COP1: variants seen among roughly 807,000 people sequenced by gnomAD.
The protein encoded by COP1 is E3 ubiquitin-protein ligase COP1.
A neutral mutation model predicts 101.3 loss-of-function variants in COP1; 24 were observed. The observed-to-expected ratio is 0.24, with a 90% CI of 0.17 to 0.33. The LOEUF (loss-of-function observed/expected upper bound fraction) is 0.33. COP1 is among the 10% of genes least tolerant of loss of function. The pLI, the probability that COP1 is intolerant of heterozygous loss-of-function variation, is 1.00. For synonymous variants in COP1, 347 were observed against 341.9 expected (o/e 1.01, Z -0.17); for missense variants, 663 against 906.2 (o/e 0.73, Z 3.45).
At chr1:175,989,614 A>AAATAT in intron 15 of COP1, 135 bp from the exon 16 acceptor site, 1 of 566,392 alleles carries the variant, frequency 1.8e-6, no homozygotes, top group Non-Finnish European at 3.2e-6. Flanking sequence ...AAACAAAGGA[A>AAATAT]AAGGAATCCT....
At chr1:176,202,552 A>G (rs1700376031) in intron 1 of COP1, among the ~76,000 whole-genome samples, 1 of 151,700 alleles carries the variant, frequency 6.6e-6, no homozygotes. Context: ...ATATCCTGGG[A>G]TTACAGGTGG....
chr1:175,956,238 AAAAAT>A (rs1463758657), intron 18 of COP1, among the ~76,000 whole-genome samples: 1 of 152,122 alleles, frequency 6.6e-6, no homozygotes, highest in Non-Finnish European at 1.5e-5. Flanking sequence ...AAGTTAAAAA[AAAAAT>A]AGAGTAATTT....
At chr1:175,957,378 C>T (rs1376735394) in intron 18 of COP1, among the ~76,000 whole-genome samples, 2 of 152,204 alleles carry the variant, frequency 1.3e-5, no homozygotes, top group African/African-American at 4.8e-5. Flanking sequence ...ACACAAATCC[C>T]ATTGTGTTAC....
intron 1 of COP1, among the ~76,000 whole-genome samples, chr1:176,194,278 C>T (rs925105342): frequency 2.0e-5 from 3 of 152,060 alleles, no homozygotes; most frequent in Non-Finnish European, 4.4e-5. Context: ...GCAAACAAGA[C>T]AGTACACACA....
chr1:176,022,003 TCTC>T (rs1276639472), intron 15 of COP1, among the ~76,000 whole-genome samples: 1 of 152,222 alleles, frequency 6.6e-6, no homozygotes, highest in Admixed American at 6.5e-5. Context: ...ATCTATAAAA[TCTC>T]CTAAGATACT....
intron 5 of COP1, among the ~76,000 whole-genome samples, chr1:176,157,639 A>G (rs932222774): frequency 2.6e-5 from 4 of 152,226 alleles, no homozygotes; most frequent in Admixed American, 2.0e-4. Context: ...ACAAGCTTCA[A>G]GAGATTCAAA....
chr1:176,067,447 C>T (rs561939252), intron 11 of COP1, among the ~76,000 whole-genome samples: 1 of 152,286 alleles, frequency 6.6e-6, no homozygotes, highest in South Asian at 2.1e-4. Context: ...TGCAGAGGAA[C>T]ACATCGGTAC....
intron 14 of COP1, among the ~76,000 whole-genome samples, chr1:176,029,495 T>C (rs1009132527): frequency 1.3e-5 from 2 of 152,202 alleles, no homozygotes; most frequent in South Asian, 2.1e-4. Flanking sequence ...AGTATATAAG[T>C]TGTCATCCTG....
intron 15 of COP1, among the ~76,000 whole-genome samples, chr1:176,021,755 T>C (rs1666784744): frequency 6.6e-6 from 1 of 152,186 alleles, no homozygotes; most frequent in Admixed American, 6.5e-5. Context: ...GACAAATTCA[T>C]TATGGGAAGC....
At chr1:176,199,303 T>A (rs965763872) in intron 1 of COP1, among the ~76,000 whole-genome samples, 1 of 152,104 alleles carries the variant, frequency 6.6e-6, no homozygotes, top group Non-Finnish European at 1.5e-5. Flanking sequence ...GGCGACAGTA[T>A]GAGACTCCCA....
chr1:175,969,269 T>C (rs180781009), intron 18 of COP1, among the ~76,000 whole-genome samples: 48 of 152,294 alleles, frequency 3.2e-4, no homozygotes, highest in East Asian at 5.8e-4. Context: ...CAGTAGAGCA[T>C]TGTTAGGGAC....
intron 15 of COP1, among the ~76,000 whole-genome samples, chr1:176,020,494 C>A (rs1316359589): frequency 6.6e-6 from 1 of 151,996 alleles, no homozygotes; most frequent in Non-Finnish European, 1.5e-5. Flanking sequence ...GCCTGGCCAA[C>A]ATGGTGAAAC....
chr1:175,974,709 C>T (rs1034728693), intron 18 of COP1, among the ~76,000 whole-genome samples: 5 of 151,996 alleles, frequency 3.3e-5, no homozygotes, highest in African/African-American at 1.2e-4. Flanking sequence ...GCTTTTGATG[C>T]TATGATCAGC....
chr1:175,972,565 A>G (rs1653513298), intron 18 of COP1, among the ~76,000 whole-genome samples: 1 of 151,292 alleles, frequency 6.6e-6, no homozygotes, highest in Admixed American at 6.6e-5. Context: ...CCCGGGTTCA[A>G]GCGATTCTCC....
At chr1:176,162,425 A>T (rs1694478029) in intron 5 of COP1, among the ~76,000 whole-genome samples, 1 of 152,178 alleles carries the variant, frequency 6.6e-6, no homozygotes, top group Admixed American at 6.5e-5. Flanking sequence ...GATCTCTTTA[A>T]ATGCTCTTAG....
chr1:176,101,109 G>C (rs188626455), intron 9 of COP1, among the ~76,000 whole-genome samples: 11 of 152,270 alleles, frequency 7.2e-5, no homozygotes, highest in Admixed American at 6.5e-4. Context: ...GGGGACATAA[G>C]GTGTACATGG....
intron 8 of COP1, among the ~76,000 whole-genome samples, chr1:176,118,439 T>C (rs757399929): frequency 6.6e-6 from 1 of 152,136 alleles, no homozygotes; most frequent in Non-Finnish European, 1.5e-5. Context: ...ACAGTGACTA[T>C]AGTTAACAAC....
rs541551986 is a variant in COP1, at chr1:175,958,633, A to T, written c.2134-11394T>A. On this transcript the variant is annotated intron_variant, in intron 18 of 19. Coordinates refer to ENST00000367669, the MANE Select transcript of COP1 (RefSeq NM_022457.7). ...TTTAAAATTTATTTCTCCAAATGTT[A>T]AGCATTACGTTAAATTGATGACTTC... Among the ~76,000 whole-genome samples the T allele has an allele frequency of 1.6e-4, 25 of 151,852 alleles. 1 individual carries two copies. The South Asian group carries it at 5.2e-3, about 32-fold the overall frequency.
chr1:176,061,377 C>T (rs745727210), intron 11 of COP1, among the ~76,000 whole-genome samples: 1 of 152,352 alleles, frequency 6.6e-6, no homozygotes, highest in Middle Eastern at 3.4e-3. Flanking sequence ...CCTGTAATCC[C>T]AGCACTTGGG....
Sources: gnomAD v4.1 joint callset for allele counts (sites outside exome capture counted in the v4.1 genomes callset) on GRCh38, gnomAD v4.1.1 for gene constraint, MANE v1.5 for transcripts, NCBI Gene and HGNC (gene_info 2026-07-23, HGNC 2026-07-21) for gene names.